TTC28: variants seen among roughly 807,000 people sequenced by gnomAD.
TTC28 encodes tetratricopeptide repeat domain 28, also known as tetratricopeptide repeat protein 28.
A neutral mutation model predicts 198.0 loss-of-function variants in TTC28; 61 were observed. That is an observed-to-expected ratio of 0.31 (90% CI 0.25 to 0.38). TTC28 has a LOEUF of 0.38. Ranked by LOEUF, TTC28 falls within the 10% of genes least tolerant of loss-of-function variation. The pLI is 1.00. For synonymous variants in TTC28, 1,171 were observed against 1,297.8 expected, an observed-to-expected ratio of 0.90 and a Z score of 2.10; for missense variants, 2,678 against 3,164.0, an observed-to-expected ratio of 0.85 and a Z score of 3.69.
At chr22:28,072,079 A>G (rs1471699134) in intron 12 of TTC28, among the ~76,000 whole-genome samples, 1 of 152,228 alleles carries the variant, frequency 6.6e-6, no homozygotes, top group Non-Finnish European at 1.5e-5. Context: ...ATCGTCCCAG[A>G]TGATACTATA....
chr22:28,332,504 ATAT>A (rs1031842104), intron 2 of TTC28, among the ~76,000 whole-genome samples: 1 of 152,054 alleles, frequency 6.6e-6, no homozygotes, highest in African/African-American at 2.4e-5. Flanking sequence ...ATTATTATGA[ATAT>A]TATTAATGGC....
intron 2 of TTC28, among the ~76,000 whole-genome samples, chr22:28,365,688 G>C (rs1214928547): frequency 2.6e-5 from 4 of 152,168 alleles, no homozygotes; most frequent in Non-Finnish European, 4.4e-5. Flanking sequence ...TTAAATCTGT[G>C]TGCTGATATT....
intron 7 of TTC28, among the ~76,000 whole-genome samples, chr22:28,106,782 T>C (rs1227056106): frequency 1.3e-5 from 2 of 152,168 alleles, no homozygotes; most frequent in Admixed American, 1.3e-4. Context: ...AGGCACTGCA[T>C]TTGGAGTCAC....
chr22:28,353,290 A>G (rs2145937859), intron 2 of TTC28, among the ~76,000 whole-genome samples: 1 of 152,330 alleles, frequency 6.6e-6, no homozygotes, highest in South Asian at 2.1e-4. Flanking sequence ...TCAAGCTGTT[A>G]TTTTTAAAAT....
At chr22:28,567,684 C>T (rs1020813090) in intron 2 of TTC28, among the ~76,000 whole-genome samples, 2 of 151,352 alleles carry the variant, frequency 1.3e-5, no homozygotes, top group Non-Finnish European at 2.9e-5. Flanking sequence ...TTGTGGCATT[C>T]CCATTCACCC....
At chr22:28,241,838 G>C (rs1929678190) in intron 5 of TTC28, among the ~76,000 whole-genome samples, 1 of 152,110 alleles carries the variant, frequency 6.6e-6, no homozygotes, top group Non-Finnish European at 1.5e-5. Flanking sequence ...TGAAACTAGA[G>C]GAAGTATAGA....
At chr22:28,232,149 T>C (rs573658619) in intron 5 of TTC28, among the ~76,000 whole-genome samples, 36 of 152,304 alleles carry the variant, frequency 2.4e-4, no homozygotes, top group Admixed American at 1.2e-3. Flanking sequence ...GCTCATGAAG[T>C]ACCACAGGAT....
intron 2 of TTC28, among the ~76,000 whole-genome samples, chr22:28,385,611 T>G (rs1475501744): frequency 6.6e-6 from 1 of 151,932 alleles, no homozygotes; most frequent in African/African-American, 2.4e-5. Flanking sequence ...ATAGTAGAAG[T>G]ATAAGTAATA....
intron 5 of TTC28, among the ~76,000 whole-genome samples, chr22:28,239,617 G>C (rs1929515937): frequency 6.6e-6 from 1 of 152,176 alleles, no homozygotes; most frequent in Non-Finnish European, 1.5e-5. Context: ...TAGCATGAGA[G>C]CATGAAGCCT....
chr22:28,410,101 T>A (rs2146131504), intron 2 of TTC28, among the ~76,000 whole-genome samples: 1 of 152,236 alleles, frequency 6.6e-6, no homozygotes, highest in Admixed American at 6.5e-5. Context: ...TTTGTATTTT[T>A]TGTAGAGATG....
chr22:28,673,263 A>G (rs2051919729), intron 1 of TTC28, among the ~76,000 whole-genome samples: 1 of 152,106 alleles, frequency 6.6e-6, no homozygotes, highest in African/African-American at 2.4e-5. Context: ...AGTCCCAGCT[A>G]CTTGGGAAAC....
intron 2 of TTC28, among the ~76,000 whole-genome samples, chr22:28,427,796 T>C (rs1462952393): frequency 2.0e-5 from 3 of 151,610 alleles, no homozygotes; most frequent in Non-Finnish European, 2.9e-5. Context: ...CGAATTCAGG[T>C]AAATTAAAGT....
chr22:28,041,115 C>G (rs1012138315), intron 12 of TTC28, among the ~76,000 whole-genome samples: 3 of 152,216 alleles, frequency 2.0e-5, no homozygotes, highest in African/African-American at 7.2e-5. Context: ...ATTCCATGCT[C>G]ATGGATAGGA....
chr22:28,613,972 A>G (rs948583537), intron 2 of TTC28, among the ~76,000 whole-genome samples: 84 of 152,238 alleles, frequency 5.5e-4, no homozygotes, highest in African/African-American at 1.9e-3. Flanking sequence ...AGAAATAAAG[A>G]GCATTCAAAT....
intron 12 of TTC28, among the ~76,000 whole-genome samples, chr22:28,070,590 T>G (rs1940928321): frequency 6.6e-6 from 1 of 152,108 alleles, no homozygotes; most frequent in African/African-American, 2.4e-5. Context: ...GAGACCAGCC[T>G]GGGGAACATG....
intron 5 of TTC28, among the ~76,000 whole-genome samples, chr22:28,179,152 GT>G (rs1012464191): frequency 6.2e-4 from 92 of 149,110 alleles, no homozygotes; most frequent in African/African-American, 2.1e-3. Flanking sequence ...TTAGTTTTTT[GT>G]TTTTTTGTTT....
intron 5 of TTC28, among the ~76,000 whole-genome samples, chr22:28,190,811 T>C (rs147415212): frequency 3.6e-4 from 55 of 152,332 alleles, no homozygotes; most frequent in African/African-American, 1.2e-3. Flanking sequence ...ACTGCCTGGT[T>C]CCTTTGGGAG....
Position 28,389,048 on chromosome 22 carries a change from T to C in TTC28, c.382-82405A>G, listed in dbSNP as rs536345969. Reference sequence around the variant, plus strand: ...CCTAATTTATTGAGAGTTTTTAGCATGAAGGGTTGTTGAATTTTGTCAAAG... The same window carrying C: ...CCTAATTTATTGAGAGTTTTTAGCACGAAGGGTTGTTGAATTTTGTCAAAG... On this transcript the variant is annotated intron_variant, in intron 2 of 22. Coordinates refer to ENST00000397906, the MANE Select transcript of TTC28 (RefSeq NM_001145418.2). Among the ~76,000 whole-genome samples the C allele has an allele frequency of 9.7e-3, 1,472 of 152,184 alleles. 26 individuals are homozygous for C. Among genetic ancestry groups the C allele is most frequent in the African/African-American group, 0.033 (1,370 of 41,544 alleles).
chr22:28,331,874 C>T (rs1446721119), intron 2 of TTC28, among the ~76,000 whole-genome samples: 1 of 152,084 alleles, frequency 6.6e-6, no homozygotes, highest in African/African-American at 2.4e-5. Context: ...AGATGCACTA[C>T]CCCTTGGGGA....
Sources: allele counts gnomAD v4.1 joint callset (sites outside exome capture counted in the v4.1 genomes callset), GRCh38; gene constraint gnomAD v4.1.1; transcripts MANE v1.5; gene names NCBI Gene and HGNC (gene_info 2026-07-23, HGNC 2026-07-21).